Variants in CPSF6 observed in about 807,000 individuals in gnomAD.
CPSF6 encodes the protein cleavage and polyadenylation specificity factor subunit 6.
Under a neutral mutation model 56.7 loss-of-function variants are expected in CPSF6, and 10 were observed. That is an observed-to-expected ratio of 0.18 (90% CI 0.11 to 0.30). The LOEUF (loss-of-function observed/expected upper bound fraction) is 0.30. Ranked by LOEUF, CPSF6 falls within the 10% of genes least tolerant of loss-of-function variation. CPSF6 has a pLI of 1.00. For synonymous variants in CPSF6, 248 were observed against 244.8 expected, an observed-to-expected ratio of 1.01 and a Z score of -0.12; for missense variants, 419 against 722.9, an observed-to-expected ratio of 0.58 and a Z score of 4.82.
rs193086360 is a variant in CPSF6 at position 69,242,305 on chromosome 12, G to A, written c.60+2599G>A. On this transcript the variant is annotated intron_variant, in intron 1 of 9. Transcript: ENST00000435070. ...TTATTTCCATTTTCTACTATTTTTT[G>A]TCTGTATCCTGCTGAGTCTTCTATT... is the stretch of plus-strand genomic sequence containing the variant. Among the ~76,000 whole-genome samples, 189 of 151,694 alleles carry A rather than the reference G, an allele frequency of 1.2e-3. 2 individuals carry two copies. In the East Asian group the frequency reaches 0.03, roughly 24 times the overall value.
rs1434873408 is a variant in CPSF6 at position 69,271,186 on chromosome 12, G to C, written c.*1678G>C. 1 of 152,146 alleles carries C rather than the reference G, an allele frequency of 6.6e-6. No individual in the cohort carries two copies. The highest frequency in any genetic ancestry group is 2.4e-5 in the African/African-American group (1 of 41,416). 9.4% of individuals were successfully genotyped at this position (152,146 alleles called of 1,614,324 possible). On this transcript the variant is annotated 3_prime_UTR_variant, in exon 10 of 10. Coordinates refer to ENST00000435070, the MANE Select transcript of CPSF6 (RefSeq NM_007007.3). ...TGCATGGGATCGTTGATGTTTATCAGAACTGTTCACTTTCAGAAATGATTT... is the reference window on the plus strand; with the variant it reads ...TGCATGGGATCGTTGATGTTTATCACAACTGTTCACTTTCAGAAATGATTT...
intron 4 of CPSF6, among the ~76,000 whole-genome samples, chr12:69,257,368 CTTTTA>C (rs1376416679): frequency 2.6e-5 from 4 of 152,156 alleles, no homozygotes; most frequent in Non-Finnish European, 4.4e-5. Context: ...GGTTCCTTTT[CTTTTA>C]ATGTTTTAGC....
chr12:69,251,968 A>G (rs1872263385), intron 2 of CPSF6: 3 of 453,598 alleles, frequency 6.6e-6, no homozygotes, highest in Non-Finnish European at 4.4e-6. Context: ...CTACTTAGTT[A>G]TATGTATACT....
In CPSF6 at chr12:69,258,570, C is replaced by A; in HGVS notation, c.695-20C>A. The stretch of plus-strand genomic sequence containing the variant: ...ATTAGTGAAGTGTTTTTTTTTCTCT[C>A]TTTCTCCTTTGTTTTTTAGCTGGAC... On this transcript the variant is annotated intron_variant, in intron 5 of 9. Coordinates refer to ENST00000435070, the MANE Select transcript of CPSF6 (RefSeq NM_007007.3). The surrounding 1 kb of genome is among the most constrained non-coding windows in gnomAD (Gnocchi z 4.2). 6.5e-7 allele frequency: 1 copy of A among 1,538,196 alleles called. No homozygotes were observed. The highest frequency in any genetic ancestry group is 2.3e-5 in the East Asian group (1 of 43,784).
chr12:69,267,489 A>G (rs1873047406), intron 9 of CPSF6, among the ~76,000 whole-genome samples: 1 of 151,968 alleles, frequency 6.6e-6, no homozygotes, highest in Non-Finnish European at 1.5e-5. Flanking sequence ...TGGCTTTGAC[A>G]TTACAGATTT....
Position 69,259,603 on chromosome 12 carries a change from G to A in CPSF6, c.1315+60G>A, listed in dbSNP as rs2231701. The A allele has an allele frequency of 7.1e-3, 10,042 of 1,404,936 alleles. 38 individuals carry two copies. Among genetic ancestry groups the A allele is most frequent in the Non-Finnish European group, 8.1e-3 (8,312 of 1,026,956 alleles). 87.0% of individuals were successfully genotyped at this position (1,404,936 alleles called of 1,614,324 possible). On this transcript the variant is annotated intron_variant, in intron 7 of 9. Coordinates refer to ENST00000435070, the MANE Select transcript of CPSF6 (RefSeq NM_007007.3). ...ATGTTATTAGGAATGACCTAAAAAT[G>A]TAAGTACAATCTAGAAGATAGGTCA... is the stretch of plus-strand genomic sequence containing the variant.
intron 1 of CPSF6, among the ~76,000 whole-genome samples, chr12:69,248,771 A>G (rs1872047020): frequency 6.6e-6 from 1 of 152,122 alleles, no homozygotes; most frequent in South Asian, 2.1e-4. Flanking sequence ...CCCCTTATTA[A>G]ATAAGTCTTA....
rs1420623482 is a variant in CPSF6, at chr12:69,251,232, C to T, written c.164C>T (p.Thr55Ile). Residue 55 changes from threonine to isoleucine, a missense_variant, in exon 2 of 10, where the codon ACT becomes ATT. This residue lies in a region of CPSF6 where 125 missense variants were observed against 216.4 expected (regional missense o/e 0.58). Transcript: ENST00000435070. ...DAPEDRDYMD[T>I]LPPTVGDDVG... is the part of the protein sequence containing the mutation. ...CCAGAAGACCGAGATTACATGGATACTCTCCCACCAACTGTTGGTGATGAT... is the reference window on the plus strand; with the variant it reads ...CCAGAAGACCGAGATTACATGGATATTCTCCCACCAACTGTTGGTGATGAT... The T allele has an allele frequency of 1.2e-6, 2 of 1,613,050 alleles. No homozygotes were observed. The highest frequency in any genetic ancestry group is 1.8e-4 in the Middle Eastern group (1 of 5,496).
rs1047013137 is a variant in CPSF6, at chr12:69,271,923, T to C, written c.*2415T>C. ...TCTCAGAGACCTTTTCATTTTTTCC[T>C]TAGTTAATAACTGTAGTGGATGTGA... On this transcript the variant is annotated 3_prime_UTR_variant, in exon 10 of 10. Transcript: ENST00000435070. 1.3e-5 allele frequency: 2 copies of C among 151,760 alleles called. No homozygotes were observed. The highest frequency in any genetic ancestry group is 3.0e-5 in the Non-Finnish European group (2 of 67,668). The allele number at this position is 151,760 out of a possible 1,614,324, so 9.4% of individuals were successfully genotyped here. A position where few individuals can be genotyped will look rare whatever the true frequency, so the allele number is the denominator to read the frequency against.
chr12:69,250,499 C>T (rs928069219), intron 1 of CPSF6, among the ~76,000 whole-genome samples: 63 of 145,504 alleles, frequency 4.3e-4, no homozygotes, highest in African/African-American at 1.5e-3. Context: ...TGCAGTGGCT[C>T]AAGCCTATAT....
In CPSF6 at chr12:69,270,098, C is replaced by G. The variant is rs1421416165; in HGVS notation, c.*590C>G. 6.6e-6 allele frequency: 1 copy of G among 152,154 alleles called. No individual in the cohort carries two copies. Among genetic ancestry groups the G allele is most frequent in the African/African-American group, 2.4e-5 (1 of 41,392 alleles). 9.4% of individuals were successfully genotyped at this position (152,154 alleles called of 1,614,324 possible). ...ATATGCCTCAATCTAATCTTGCGTT[C>G]AGTGAATTAAACATAGTAATTAAGT... is the stretch of plus-strand genomic sequence containing the variant. On this transcript the variant is annotated 3_prime_UTR_variant, in exon 10 of 10. Transcript: ENST00000435070.
chr12:69,250,145 T>C (rs1872155664), intron 1 of CPSF6, among the ~76,000 whole-genome samples: 1 of 152,170 alleles, frequency 6.6e-6, no homozygotes, highest in Non-Finnish European at 1.5e-5. Flanking sequence ...TATTTCTTCT[T>C]TCTTTTATGG....
chr12:69,239,745 G>C (rs755950808), intron 1 of CPSF6, 39 bp downstream of exon 1: 1 of 1,551,194 alleles, frequency 6.4e-7, no homozygotes, highest in Non-Finnish European at 8.7e-7. Flanking sequence ...GACGCGGGCG[G>C]CGCTGCGGCC....
chr12:69,257,896 C>T lies in CPSF6; in HGVS notation c.685C>T (p.Pro229Ser), dbSNP rs755647632. Residue 229 changes from proline (P) to serine (S), a missense_variant, in exon 5 of 10, where the codon CCT (proline) becomes TCT (serine). Coordinates refer to ENST00000435070, the MANE Select transcript of CPSF6 (RefSeq NM_007007.3). ...GPAGPGGPPP[P>S]FPAGQTPPRP... ...AGCAGGACCAGGAGGGCCACCCCCACCTTTTCCAGGTAAAACTTTTCTTAA... is the reference window on the plus strand; with the variant it reads ...AGCAGGACCAGGAGGGCCACCCCCATCTTTTCCAGGTAAAACTTTTCTTAA... 5 of 1,595,376 alleles carry T rather than the reference C, an allele frequency of 3.1e-6. No homozygotes were observed. The highest frequency in any genetic ancestry group is 1.7e-4 in the Middle Eastern group (1 of 5,976).
chr12:69,262,716 A>G (rs1285675019), intron 9 of CPSF6, among the ~76,000 whole-genome samples, 154 bp downstream of exon 9: 4 of 152,204 alleles, frequency 2.6e-5, no homozygotes, highest in Non-Finnish European at 5.9e-5. Context: ...AATTATAGGT[A>G]AGTAATGACA....
chr12:69,250,693 C>T (rs1872201187), intron 1 of CPSF6, among the ~76,000 whole-genome samples: 2 of 150,600 alleles, frequency 1.3e-5, no homozygotes, highest in Non-Finnish European at 1.5e-5. Flanking sequence ...GTCGCCCAGG[C>T]TGGAGTGCAA....
At chr12:69,268,107 T>C (rs60187399) in intron 9 of CPSF6, among the ~76,000 whole-genome samples, 1,594 of 151,980 alleles carry the variant, frequency 0.01, 24 homozygotes, top group African/African-American at 0.035. Flanking sequence ...TTAGAACATA[T>C]GCCTTGTCTC....
rs5798930 is a variant in CPSF6 at position 69,258,556 on chromosome 12, G to GT, written c.695-25dup. On this transcript the variant is annotated intron_variant, in intron 5 of 9. Transcript: ENST00000435070. This position sits in a 1 kb window ranked among gnomAD's most constrained non-coding sequence, Gnocchi z 4.2. ...AGTTAAAATATCTTATTAGTGAAGT[G>GT]TTTTTTTTTCTCTCTTTCTCCTTTG... is the stretch of plus-strand genomic sequence containing the variant. 0.68 allele frequency: 989,283 copies of GT among 1,458,476 alleles called. 318,763 individuals are homozygous for GT. Among genetic ancestry groups the GT allele is most frequent in the African/African-American group, 0.86 (59,357 of 68,968 alleles). The allele number at this position is 1,458,476 out of a possible 1,614,324, so 90.3% of individuals were successfully genotyped here. A position where few individuals can be genotyped will look rare whatever the true frequency, so the allele number is the denominator to read the frequency against.
At chr12:69,249,601 A>G (rs1872127288) in intron 1 of CPSF6, among the ~76,000 whole-genome samples, 1 of 152,222 alleles carries the variant, frequency 6.6e-6, no homozygotes, top group African/African-American at 2.4e-5. Context: ...GTTCTATGTC[A>G]TAAGAATAAA....
Sources: allele counts gnomAD v4.1 joint callset (sites outside exome capture counted in the v4.1 genomes callset), GRCh38; gene constraint gnomAD v4.1.1; regional missense constraint gnomAD v4.1.1; non-coding constraint Gnocchi (gnomAD v3.1); transcripts MANE v1.5; gene names NCBI Gene and HGNC (gene_info 2026-07-23, HGNC 2026-07-21).